The following SNTG2 variants were observed in gnomAD, a reference collection of about 807,000 sequenced individuals.
SNTG2 encodes syntrophin gamma 2.
A neutral mutation model predicts 70.9 loss-of-function variants in SNTG2; 74 were observed. That is an observed-to-expected ratio of 1.04 (90% confidence interval 0.86 to 1.27). The LOEUF (loss-of-function observed/expected upper bound fraction) is 1.27. Among genes scored for constraint, SNTG2 ranks in the 50% most tolerant of loss-of-function variants. The pLI is 0.00. For missense variants in SNTG2, 717 were observed against 690.7 expected (o/e 1.04, Z -0.43); for synonymous variants, 278 against 273.8 (o/e 1.02, Z -0.15).
At chr2:1,340,173 A>C (rs1191058910) in intron 16 of SNTG2, among the ~76,000 whole-genome samples, 1 of 152,230 alleles carries the variant, frequency 6.6e-6, no homozygotes, top group Admixed American at 6.5e-5. Context: ...CATCTGTCTA[A>C]ATTTACTGAT....
chr2:1,314,640 C>T (rs1472758391), intron 15 of SNTG2, among the ~76,000 whole-genome samples: 4 of 152,220 alleles, frequency 2.6e-5, no homozygotes, highest in East Asian at 1.9e-4. Context: ...AGAATGGATA[C>T]ACATGCTTCA....
intron 1 of SNTG2, among the ~76,000 whole-genome samples, chr2:1,072,315 ATTTTCT>A (rs137957500): frequency 0.26 from 33,123 of 128,504 alleles, 5,060 homozygotes; most frequent in African/African-American, 0.33. Flanking sequence ...AAAGCCAGTG[ATTTTCT>A]TTTTCTTTTT....
intron 10 of SNTG2, 34 bp downstream of exon 10, chr2:1,238,051 G>C: frequency 6.3e-7 from 1 of 1,580,860 alleles, no homozygotes; most frequent in Non-Finnish European, 8.6e-7. Context: ...CTCTGCTGAT[G>C]CTCATTCGTG....
chr2:1,271,204 G>A (rs1179248061), intron 14 of SNTG2, among the ~76,000 whole-genome samples: 1 of 152,094 alleles, frequency 6.6e-6, no homozygotes, highest in Admixed American at 6.5e-5. Flanking sequence ...GACCTTCCAT[G>A]TTCCAGCCTC....
intron 4 of SNTG2, among the ~76,000 whole-genome samples, chr2:1,133,547 A>G (rs537868274): frequency 3.3e-5 from 5 of 152,320 alleles, no homozygotes; most frequent in African/African-American, 1.2e-4. Context: ...TGGCTGTATT[A>G]CCGTAGGGAT....
chr2:1,366,674 G>T (rs867790834), intron 16 of SNTG2, among the ~76,000 whole-genome samples: 1 of 152,138 alleles, frequency 6.6e-6, no homozygotes, highest in Admixed American at 6.5e-5. Context: ...GCTTCCCGCC[G>T]TGCTGTGCAC....
chr2:1,015,879 A>C lies in SNTG2; in HGVS notation c.72+64811A>C, dbSNP rs371807084. ...GCATCATCTGTATCTGCTGCCCTGC[A>C]AGACAAAAGACTTGCAGATGGCCCA... On this transcript the variant is annotated intron_variant, in intron 1 of 16. Transcript: ENST00000308624. 5.9e-5 allele frequency among the ~76,000 whole-genome samples: 9 copies of C among 152,348 alleles called. No homozygotes were observed. In the East Asian group the frequency reaches 1.3e-3, roughly 23 times the overall value.
chr2:1,291,974 T>C (rs997736423), intron 14 of SNTG2, among the ~76,000 whole-genome samples: 2 of 152,180 alleles, frequency 1.3e-5, no homozygotes, highest in Admixed American at 1.3e-4. Flanking sequence ...GAGCACAAGA[T>C]GTCTTTTCTT....
chr2:1,308,872 C>T (rs1410500021), intron 15 of SNTG2, among the ~76,000 whole-genome samples: 4 of 151,986 alleles, frequency 2.6e-5, no homozygotes, highest in South Asian at 4.2e-4. Context: ...CTTGAGTAAA[C>T]GCTTTGAAAA....
At chr2:1,047,649 C>T (rs1279698487) in intron 1 of SNTG2, among the ~76,000 whole-genome samples, 1 of 152,188 alleles carries the variant, frequency 6.6e-6, no homozygotes, top group Non-Finnish European at 1.5e-5. Context: ...TTTGGTGTTG[C>T]AGTTTGGGCT....
chr2:1,019,530 G>A (rs1241667560), intron 1 of SNTG2, among the ~76,000 whole-genome samples: 9 of 152,154 alleles, frequency 5.9e-5, no homozygotes, highest in Non-Finnish European at 1.2e-4. Context: ...GGAGGGCAGG[G>A]TCAAAGTGGC....
chr2:1,300,518 C>T (rs2148235428), intron 14 of SNTG2, among the ~76,000 whole-genome samples: 1 of 152,310 alleles, frequency 6.6e-6, no homozygotes, highest in South Asian at 2.1e-4. Context: ...AGAACCTCAC[C>T]TGGGCCGTGC....
chr2:977,848 C>T (rs962823274), intron 1 of SNTG2, among the ~76,000 whole-genome samples: 3 of 152,268 alleles, frequency 2.0e-5, no homozygotes, highest in Admixed American at 6.5e-5. Flanking sequence ...AGAGCCTTCC[C>T]GCCTCGTGCC....
intron 14 of SNTG2, among the ~76,000 whole-genome samples, chr2:1,278,626 A>G (rs1054085155): frequency 6.6e-5 from 10 of 152,156 alleles, no homozygotes; most frequent in African/African-American, 2.4e-4. Context: ...CTTCATGGCC[A>G]TTTCTAGTGC....
chr2:1,135,411 G>A (rs948189952), intron 4 of SNTG2, among the ~76,000 whole-genome samples: 1 of 152,146 alleles, frequency 6.6e-6, no homozygotes, highest in African/African-American at 2.4e-5. Context: ...GATTACCATA[G>A]GTATCATTTT....
intron 13 of SNTG2, 124 bp from the exon 14 acceptor site, chr2:1,267,241 T>G: frequency 1.2e-6 from 1 of 861,610 alleles, no homozygotes; most frequent in Non-Finnish European, 1.8e-6. Context: ...ATTTGCCTCC[T>G]TGTCTGCACC....
chr2:1,217,052 C>G (rs1674441760), intron 9 of SNTG2, among the ~76,000 whole-genome samples: 1 of 152,098 alleles, frequency 6.6e-6, no homozygotes, highest in Non-Finnish European at 1.5e-5. Flanking sequence ...GCCGACATCA[C>G]CCTTGGGTCT....
chr2:958,620 G>A (rs10178601), intron 1 of SNTG2, among the ~76,000 whole-genome samples: 44,751 of 151,940 alleles, frequency 0.29, 6,739 homozygotes, highest in Admixed American at 0.36. Flanking sequence ...ATCTAAATTG[G>A]GGTTAAGAAT....
At chr2:988,062 G>A (rs1020393105) in intron 1 of SNTG2, among the ~76,000 whole-genome samples, 1 of 152,162 alleles carries the variant, frequency 6.6e-6, no homozygotes, top group African/African-American at 2.4e-5. Context: ...GGAGCCTCCC[G>A]CCCCTTTGGC....
Sources: gnomAD v4.1 joint callset for allele counts (sites outside exome capture counted in the v4.1 genomes callset) on GRCh38, gnomAD v4.1.1 for gene constraint, MANE v1.5 for transcripts, NCBI Gene and HGNC (gene_info 2026-07-23, HGNC 2026-07-21) for gene names.